Variants in CLEC5A observed in about 807,000 individuals in gnomAD.
CLEC5A encodes C-type lectin domain containing 5A.
Under a neutral mutation model 24.4 loss-of-function variants are expected in CLEC5A, and 15 were observed. The ratio of observed to expected loss-of-function variants is 0.62; its 90% CI spans 0.41 to 0.95. The LOEUF (loss-of-function observed/expected upper bound fraction) is 0.95. Ranked by LOEUF, CLEC5A falls within the 40% of genes least tolerant of loss-of-function variation. CLEC5A has a pLI of 0.00. For synonymous variants in CLEC5A, 71 were observed against 72.6 expected, an observed-to-expected ratio of 0.98 and a Z score of 0.11; for missense variants, 211 against 224.0, an observed-to-expected ratio of 0.94 and a Z score of 0.37.
Position 141,930,107 on chromosome 7 carries a change from T to C in CLEC5A, c.564A>G (p.Lys188=). The C allele has an allele frequency of 6.2e-7, 1 of 1,611,498 alleles. No individual in the cohort carries two copies. ...SYRRICEKNA[K] is the part of the protein sequence containing the mutation. ...TTCTTGTCACAGGGAACTGTGATCA[T>C]TTGGCATTCTTCTCACAGATCCTGC... The change falls in exon 7 of 7, where the codon AAA becomes AAG. Residue 188 remains lysine (K), a synonymous_variant. Coordinates refer to ENST00000546910, the MANE Select transcript of CLEC5A (RefSeq NM_013252.3).
At chr7:141,940,461 C>CAAAA (rs541841002) in intron 4 of CLEC5A, among the ~76,000 whole-genome samples, 61 of 148,782 alleles carry the variant, frequency 4.1e-4, no homozygotes, top group African/African-American at 1.5e-3. Context: ...GTGCCTGCAT[C>CAAAA]AAAAAAAACC....
chr7:141,931,770 A>G lies in CLEC5A; in HGVS notation c.402T>C (p.His134=), dbSNP rs12673916. The G allele has an allele frequency of 6.2e-7, 1 of 1,609,066 alleles. No individual in the cohort carries two copies. Among genetic ancestry groups the G allele is most frequent in the East Asian group, 2.2e-5 (1 of 44,846 alleles). The change falls in exon 6 of 7, where the codon CAT becomes CAC. Residue 134 remains histidine, a synonymous_variant. Transcript: ENST00000546910. ...TCCAACGCCACCTTTTCTCTTCACG[A>G]TGGTAAATTAAGCCAATAAAATACT... is the stretch of plus-strand genomic sequence containing the variant. ...AEKYFIGLIY[H]REEKRWRWIN...
At position 141,930,133 on chromosome 7, in the gene CLEC5A, G is replaced by T. The variant is rs185189843; in HGVS notation, c.538C>A (p.Arg180Ser). The T allele has an allele frequency of 6.2e-7, 1 of 1,614,064 alleles. No individual in the cohort carries two copies. Among genetic ancestry groups the T allele is most frequent in the Non-Finnish European group, 8.5e-7 (1 of 1,179,940 alleles). ...FDAASCDISY[R>S]RICEKNAK ...TTGGCATTCTTCTCACAGATCCTGCGGTAGCTGATGTCACATGATGCAGCA... is the reference window on the plus strand; with the variant it reads ...TTGGCATTCTTCTCACAGATCCTGCTGTAGCTGATGTCACATGATGCAGCA... The change falls in exon 7 of 7, where the codon CGC becomes AGC. Residue 180 changes from arginine (R) to serine (S), a missense_variant. Transcript: ENST00000546910.
chr7:141,935,423 A>G (rs924645384), intron 5 of CLEC5A, among the ~76,000 whole-genome samples: 3 of 152,166 alleles, frequency 2.0e-5, no homozygotes, highest in African/African-American at 7.2e-5. Flanking sequence ...CTTGTTTACT[A>G]TGCAGACTGG....
At chr7:141,931,406 G>A (rs1802455356) in intron 6 of CLEC5A, 3 of 427,302 alleles carry the variant, frequency 7.0e-6, no homozygotes, top group Admixed American at 4.1e-5. Context: ...TCAGTGCTAT[G>A]GAAACTAGCA....
intron 5 of CLEC5A, among the ~76,000 whole-genome samples, chr7:141,935,082 C>A (rs1403876971): frequency 6.6e-6 from 1 of 152,112 alleles, no homozygotes; most frequent in Non-Finnish European, 1.5e-5. Context: ...TCATCTATTA[C>A]CAAGATTCAG....
intron 2 of CLEC5A, chr7:141,945,687 T>A (rs1802932904): frequency 2.1e-6 from 1 of 468,074 alleles, no homozygotes; most frequent in South Asian, 2.3e-5. Context: ...CCTCATTTAT[T>A]TTCCCTACTG....
chr7:141,943,963 G>C lies in CLEC5A; in HGVS notation c.141C>G (p.Val47=). 1.3e-6 allele frequency: 2 copies of C among 1,596,574 alleles called. No homozygotes were observed. Among genetic ancestry groups the C allele is most frequent in the Non-Finnish European group, 1.7e-6 (2 of 1,164,442 alleles). ...GGGAACTGCTCCCAAAAATCTGTGA[G>C]ACTAAAGTGAAAAGTAAACCTAAAG... is the stretch of plus-strand genomic sequence containing the variant. The part of the protein sequence containing the change: ...GFTTTRSYGT[V]SQIFGSSSPS... The change falls in exon 4 of 7, where the codon GTC becomes GTG. Residue 47 remains valine (V), a splice_region_variant and synonymous_variant. Coordinates refer to ENST00000546910, the MANE Select transcript of CLEC5A (RefSeq NM_013252.3).
rs113440074 is a variant in CLEC5A, at chr7:141,946,042, G to C, written c.79+172C>G. 1.5e-3 allele frequency: 932 copies of C among 641,398 alleles called. 7 individuals are homozygous for C. In the African/African-American group the frequency reaches 0.016, roughly 11 times the overall value. 39.7% of individuals were successfully genotyped at this position (641,398 alleles called of 1,614,324 possible). A position where few individuals can be genotyped will look rare whatever the true frequency, so the allele number is the denominator to read the frequency against. On this transcript the variant is annotated intron_variant, in intron 2 of 6. Transcript: ENST00000546910. ...GGTAGACCAAGGAGCCTGGGCCACT[G>C]TGTGTGCTGGGGAGTGAGAAAGGCA...
intron 2 of CLEC5A, 116 bp downstream of exon 2, chr7:141,946,098 G>A: frequency 8.8e-7 from 1 of 1,141,418 alleles, no homozygotes; most frequent in South Asian, 1.5e-5. Context: ...GGGTCAGTTA[G>A]TCTCAGGTGG....
At chr7:141,940,341 G>C (rs1802748527) in intron 4 of CLEC5A, among the ~76,000 whole-genome samples, 1 of 151,922 alleles carries the variant, frequency 6.6e-6, no homozygotes, top group African/African-American at 2.4e-5. Flanking sequence ...TGACCAATCA[G>C]TCAATAAAGA....
chr7:141,944,444 A>G (rs1802892505), intron 3 of CLEC5A, among the ~76,000 whole-genome samples: 1 of 152,180 alleles, frequency 6.6e-6, no homozygotes, highest in Non-Finnish European at 1.5e-5. Flanking sequence ...TTTTCTCATC[A>G]GCACTGTATT....
intron 5 of CLEC5A, among the ~76,000 whole-genome samples, chr7:141,934,072 C>T (rs1802545950): frequency 6.6e-6 from 1 of 152,184 alleles, no homozygotes; most frequent in Non-Finnish European, 1.5e-5. Flanking sequence ...TTAGCATGGG[C>T]TGGAACCTGA....
At chr7:141,944,933 C>T (rs1184620202) in intron 3 of CLEC5A, among the ~76,000 whole-genome samples, 5 of 152,054 alleles carry the variant, frequency 3.3e-5, no homozygotes, top group Non-Finnish European at 5.9e-5. Flanking sequence ...AAATGAGAAA[C>T]GGTCTTTCTC....
chr7:141,945,310 T>TG (rs782715750), intron 3 of CLEC5A, 31 bp downstream of exon 3: 1 of 1,496,550 alleles, frequency 6.7e-7, no homozygotes, highest in Non-Finnish European at 9.3e-7. Flanking sequence ...AGCAGGAGGA[T>TG]GGGGAGAAGA....
chr7:141,944,332 T>C (rs77268209), intron 3 of CLEC5A, among the ~76,000 whole-genome samples: 1,990 of 152,236 alleles, frequency 0.013, 55 homozygotes, highest in South Asian at 0.11. Flanking sequence ...CTGTTTGGAG[T>C]ACTTCTCGCC....
Position 141,929,991 on chromosome 7 carries a change from G to T in CLEC5A, c.*113C>A. On this transcript the variant is annotated 3_prime_UTR_variant, in exon 7 of 7. Transcript: ENST00000546910. ...AAGAAAGAAGCTCAGTTTCCCAAAT[G>T]GGCAAGGACCGCTACTGGTAGACAG... 1 of 737,826 alleles carries T rather than the reference G, an allele frequency of 1.4e-6. No individual in the cohort carries two copies. 45.7% of individuals were successfully genotyped at this position (737,826 alleles called of 1,614,324 possible).
rs199839387 is a variant in CLEC5A at position 141,930,186 on chromosome 7, G to A, written c.485C>T (p.Ala162Val). 3.6e-5 allele frequency: 58 copies of A among 1,613,792 alleles called. No homozygotes were observed. In the African/African-American group the frequency reaches 3.9e-4, roughly 11 times the overall value. ...AAATGTCTTTGTTAGGCCAATGGTC[G>A]CACAGTTGAAATTCTGATTCTGATT... ...VTNQNQNFNC[A>V]TIGLTKTFDA... The change falls in exon 7 of 7, where the codon GCG (alanine) becomes GTG (valine). Residue 162 changes from alanine (A) to valine (V), a missense_variant. Transcript: ENST00000546910.
intron 3 of CLEC5A, among the ~76,000 whole-genome samples, 188 bp from the exon 4 acceptor site, chr7:141,944,152 A>G (rs1168208194): frequency 3.3e-5 from 5 of 152,152 alleles, no homozygotes; most frequent in African/African-American, 1.2e-4. Context: ...TTATTTGTCA[A>G]CTTGACACCC....
Sources: allele counts gnomAD v4.1 joint callset (sites outside exome capture counted in the v4.1 genomes callset), GRCh38; gene constraint gnomAD v4.1.1; transcripts MANE v1.5; gene names NCBI Gene and HGNC (gene_info 2026-07-23, HGNC 2026-07-21).